Variants in TCF4 observed in about 807,000 individuals in gnomAD.
The protein encoded by TCF4 is transcription factor 4, also known as SL3-3 enhancer factor 2.
Under a neutral mutation model 82.1 loss-of-function variants are expected in TCF4, and 3 were observed. That is an observed-to-expected ratio of 0.04 (90% CI 0.02 to 0.09). The LOEUF (loss-of-function observed/expected upper bound fraction) is 0.09, where lower values mean the gene tolerates loss of function less well. Ranked by LOEUF, TCF4 falls within the 10% of genes least tolerant of loss-of-function variation. TCF4 has a pLI of 1.00. For synonymous variants in TCF4, 276 were observed against 309.6 expected, an observed-to-expected ratio of 0.89 and a Z score of 1.14; for missense variants, 518 against 852.7, an observed-to-expected ratio of 0.61 and a Z score of 4.89.
intron 12 of TCF4, 42 bp downstream of exon 12, chr18:55,261,424 T>C: frequency 6.2e-7 from 1 of 1,607,728 alleles, no homozygotes. Flanking sequence ...AGTTCACCCT[T>C]TACAATGGTA....
intron 1 of TCF4, among the ~76,000 whole-genome samples, chr18:55,635,508 C>CAA: frequency 8.9e-6 from 1 of 111,990 alleles, no homozygotes; most frequent in African/African-American, 3.3e-5. Context: ...GGCCCTGTCT[C>CAA]AAAAAAAAAA....
intron 8 of TCF4, among the ~76,000 whole-genome samples, chr18:55,342,633 G>A (rs1300495172): frequency 6.6e-6 from 1 of 152,074 alleles, no homozygotes; most frequent in African/African-American, 2.4e-5. Flanking sequence ...AAACACTGCT[G>A]CCTCCTTAGA....
chr18:55,278,768 C>T (rs995115117), intron 9 of TCF4, among the ~76,000 whole-genome samples: 2 of 152,074 alleles, frequency 1.3e-5, no homozygotes, highest in African/African-American at 4.8e-5. Context: ...CAGGGTTTCA[C>T]CATATTGGCC....
intron 5 of TCF4, among the ~76,000 whole-genome samples, chr18:55,416,426 C>T (rs895973042): frequency 5.9e-5 from 9 of 152,172 alleles, no homozygotes; most frequent in Non-Finnish European, 1.3e-4. Context: ...TAATTAGCTG[C>T]CACTGTCCCT....
At chr18:55,302,273 G>C (rs2068565659) in intron 8 of TCF4, 4 of 734,968 alleles carry the variant, frequency 5.4e-6, no homozygotes, top group Non-Finnish European at 8.9e-6. Context: ...GAATTAAAAT[G>C]AAAGTTCTGG....
At chr18:55,352,319 CAA>C in intron 6 of TCF4, among the ~76,000 whole-genome samples, 1 of 152,206 alleles carries the variant, frequency 6.6e-6, no homozygotes, top group East Asian at 1.9e-4. Flanking sequence ...ATCAAAAATT[CAA>C]ACCTCCCCTT....
Position 55,334,929 on chromosome 18 carries a change from A to G in TCF4, c.549+15430T>C, listed in dbSNP as rs184852762. 2.6e-5 allele frequency among the ~76,000 whole-genome samples: 4 copies of G among 152,314 alleles called. No homozygotes were observed. The East Asian group carries it at 7.7e-4, about 29-fold the overall frequency. On this transcript the variant is annotated intron_variant, in intron 8 of 19. Transcript: ENST00000354452. Reference sequence around the variant, plus strand: ...ACTTTTCAAATGTGAGAGCAAAGGGAAAGTTTGGCAAATTGGTACTATGTT... The same window carrying G: ...ACTTTTCAAATGTGAGAGCAAAGGGGAAGTTTGGCAAATTGGTACTATGTT...
At chr18:55,439,631 C>G (rs1420471909) in intron 5 of TCF4, among the ~76,000 whole-genome samples, 2 of 152,230 alleles carry the variant, frequency 1.3e-5, no homozygotes, top group East Asian at 1.9e-4. Context: ...TTAATAAGCA[C>G]AGTAAACATT....
At chr18:55,360,876 G>A (rs1166838732) in intron 6 of TCF4, among the ~76,000 whole-genome samples, 1 of 151,710 alleles carries the variant, frequency 6.6e-6, no homozygotes, top group African/African-American at 2.4e-5. Context: ...ACAGGTGCAT[G>A]CCACCATGCC....
chr18:55,632,477 T>C (rs2097732549), intron 1 of TCF4, among the ~76,000 whole-genome samples: 1 of 152,212 alleles, frequency 6.6e-6, no homozygotes, highest in South Asian at 2.1e-4. Flanking sequence ...GTTGAAGAGC[T>C]ATATGTCTTC....
Position 55,464,749 on chromosome 18 carries a change from A to G in TCF4, c.146-612T>C, listed in dbSNP as rs1348215099. On this transcript the variant is annotated intron_variant, in intron 3 of 19. Coordinates refer to ENST00000354452, the MANE Select transcript of TCF4 (RefSeq NM_001083962.2). Reference sequence around the variant, plus strand: ...CTTTTTTTTTTAAACTAGACATACCATTTGGTCTATAATCCTTAATCTGGG... The same window carrying G: ...CTTTTTTTTTTAAACTAGACATACCGTTTGGTCTATAATCCTTAATCTGGG... 2.6e-5 allele frequency among the ~76,000 whole-genome samples: 4 copies of G among 152,080 alleles called. No homozygotes were observed. In the East Asian group the frequency reaches 7.7e-4, roughly 29 times the overall value.
At chr18:55,359,871 G>GT (rs1359468424) in intron 6 of TCF4, among the ~76,000 whole-genome samples, 2 of 152,178 alleles carry the variant, frequency 1.3e-5, no homozygotes, top group African/African-American at 4.8e-5. Context: ...GAAATCAGTT[G>GT]TATGTTTTTC....
intron 6 of TCF4, among the ~76,000 whole-genome samples, chr18:55,380,285 A>G (rs1366215067): frequency 1.5e-4 from 23 of 151,326 alleles, no homozygotes; most frequent in Middle Eastern, 3.4e-3. Flanking sequence ...TTTTTAAATT[A>G]TACTTTAAAG....
At chr18:55,431,295 T>C (rs7229456) in intron 5 of TCF4, among the ~76,000 whole-genome samples, 90,964 of 151,966 alleles carry the variant, frequency 0.6, 29,132 homozygotes, top group Non-Finnish European at 0.71. Flanking sequence ...TTTTTGTTTT[T>C]TCAGACGGAG....
At chr18:55,339,432 A>G (rs1213657098) in intron 8 of TCF4, among the ~76,000 whole-genome samples, 1 of 152,188 alleles carries the variant, frequency 6.6e-6, no homozygotes, top group African/African-American at 2.4e-5. Flanking sequence ...TGTAATCCAC[A>G]AGGTGGCAAT....
At chr18:55,608,555 T>C (rs1186043667) in intron 2 of TCF4, among the ~76,000 whole-genome samples, 3 of 152,074 alleles carry the variant, frequency 2.0e-5, no homozygotes, top group African/African-American at 4.8e-5. Context: ...TATTTTTGGT[T>C]CCACAAAATT....
intron 3 of TCF4, among the ~76,000 whole-genome samples, chr18:55,566,044 CAAAAAAA>C (rs1165991030): frequency 9.8e-5 from 7 of 71,318 alleles, no homozygotes; most frequent in South Asian, 4.4e-4. Flanking sequence ...ACTAAAAATA[CAAAAAAA>C]AAAAAAAAAA....
chr18:55,375,307 T>A (rs2090454326), intron 6 of TCF4, among the ~76,000 whole-genome samples: 1 of 152,078 alleles, frequency 6.6e-6, no homozygotes, highest in Non-Finnish European at 1.5e-5. Flanking sequence ...TACACACACA[T>A]GCACACAAGC....
At chr18:55,317,013 T>C (rs1020888891) in intron 8 of TCF4, among the ~76,000 whole-genome samples, 12 of 152,160 alleles carry the variant, frequency 7.9e-5, no homozygotes, top group Admixed American at 1.3e-4. Flanking sequence ...TGCAGGGATT[T>C]TGAAAATTTA....
Sources: gnomAD v4.1 joint callset for allele counts (sites outside exome capture counted in the v4.1 genomes callset) on GRCh38, gnomAD v4.1.1 for gene constraint, MANE v1.5 for transcripts, NCBI Gene and HGNC (gene_info 2026-07-23, HGNC 2026-07-21) for gene names.